Variants in DCLK2 observed in about 807,000 individuals in gnomAD.
DCLK2 encodes serine/threonine-protein kinase DCLK2.
A neutral mutation model predicts 78.4 loss-of-function variants in DCLK2; 31 were observed. The observed-to-expected ratio is 0.40, with a 90% CI of 0.30 to 0.53. DCLK2 has a LOEUF of 0.53. DCLK2 is among the 20% of genes least tolerant of loss of function. DCLK2 has a pLI of 0.61. For synonymous variants in DCLK2, 407 were observed against 374.9 expected, an observed-to-expected ratio of 1.09 and a Z score of -0.99; for missense variants, 872 against 973.7, an observed-to-expected ratio of 0.90 and a Z score of 1.39.
chr4:150,194,149 G>A (rs1398115364), intron 3 of DCLK2, among the ~76,000 whole-genome samples: 1 of 151,952 alleles, frequency 6.6e-6, no homozygotes, highest in Non-Finnish European at 1.5e-5. Context: ...ATATATGACT[G>A]TAGTCCCATC....
chr4:150,226,225 C>CA (rs1741597204), intron 8 of DCLK2, among the ~76,000 whole-genome samples: 1 of 142,738 alleles, frequency 7.0e-6, no homozygotes, highest in Admixed American at 7.0e-5. Context: ...TTGTCATTTA[C>CA]TTTTTTTTTT....
intron 2 of DCLK2, among the ~76,000 whole-genome samples, chr4:150,134,965 A>T (rs1560800783): frequency 6.6e-6 from 1 of 152,116 alleles, no homozygotes. Context: ...TATATGTTTT[A>T]AAAAATTGTT....
At chr4:150,158,626 A>G (rs1735488827) in intron 2 of DCLK2, among the ~76,000 whole-genome samples, 1 of 152,234 alleles carries the variant, frequency 6.6e-6, no homozygotes, top group Non-Finnish European at 1.5e-5. Context: ...GAATTCTTCA[A>G]TATGTAAACT....
intron 2 of DCLK2, among the ~76,000 whole-genome samples, chr4:150,157,935 CT>C (rs1315620220): frequency 2.0e-5 from 3 of 152,148 alleles, no homozygotes; most frequent in Admixed American, 2.0e-4. Context: ...GGCCCAGAAT[CT>C]TTTAATTTTA....
chr4:150,094,381 G>T (rs1228678797), intron 1 of DCLK2, among the ~76,000 whole-genome samples: 1 of 152,202 alleles, frequency 6.6e-6, no homozygotes, highest in Non-Finnish European at 1.5e-5. Context: ...TTAAAAAAGA[G>T]TATGTAAATA....
intron 2 of DCLK2, among the ~76,000 whole-genome samples, chr4:150,131,892 T>C (rs1733338905): frequency 6.6e-6 from 1 of 152,092 alleles, no homozygotes. Context: ...GTGGGCAGAA[T>C]TGGCTATGTA....
In DCLK2 at chr4:150,195,318, T is replaced by TATATA. The variant is rs1738863513; in HGVS notation, c.859+2082_859+2083insAATAT. Reference sequence around the variant, plus strand: ...ATATATTATATATTATATTATATATTATATTATATATTATATATATTATAT... The same window carrying TATATA: ...ATATATTATATATTATATTATATATTATATAATATTATATATTATATATATTATAT... On this transcript the variant is annotated intron_variant, in intron 3 of 15. Coordinates refer to ENST00000296550, the MANE Select transcript of DCLK2 (RefSeq NM_001040260.4). Among the ~76,000 whole-genome samples the TATATA allele has an allele frequency of 6.1e-4, 2 of 3,284 alleles. 1 individual carries two copies. Among genetic ancestry groups the TATATA allele is most frequent in the Non-Finnish European group, 1.8e-3 (2 of 1,132 alleles). The allele number at this position is 3,284 out of a possible 152,430, so 2.2% of individuals were successfully genotyped here.
At chr4:150,250,231 G>A (rs1743663025) in intron 15 of DCLK2, among the ~76,000 whole-genome samples, 1 of 152,184 alleles carries the variant, frequency 6.6e-6, no homozygotes, top group Non-Finnish European at 1.5e-5. Context: ...TTTATGAGAT[G>A]TCAGTGACAA....
chr4:150,256,240 G>C lies in DCLK2; in HGVS notation c.2294G>C (p.Arg765Pro). The stretch of plus-strand genomic sequence containing the variant: ...CGGGCAGGAACCTGGCGCCGCCACC[G>C]AGACTGAGCCTCCTGCAGACGGGCG... ...GERAGTWRRH[R>P]D The change falls in exon 16 of 16, where the codon CGA becomes CCA. Residue 765 changes from arginine to proline, a missense_variant. Coordinates refer to ENST00000296550, the MANE Select transcript of DCLK2 (RefSeq NM_001040260.4). The C allele has an allele frequency of 1.4e-6, 2 of 1,457,154 alleles. No individual in the cohort carries two copies. The highest frequency in any genetic ancestry group is 2.9e-5 in the East Asian group (1 of 34,412). 90.3% of individuals were successfully genotyped at this position (1,457,154 alleles called of 1,614,324 possible).
intron 2 of DCLK2, among the ~76,000 whole-genome samples, chr4:150,133,400 T>C (rs941846792): frequency 6.6e-6 from 1 of 152,136 alleles, no homozygotes; most frequent in African/African-American, 2.4e-5. Context: ...GCAAGTAGGG[T>C]GAACTTGTAC....
intron 2 of DCLK2, among the ~76,000 whole-genome samples, chr4:150,115,369 A>T (rs182552150): frequency 1.3e-5 from 2 of 152,032 alleles, no homozygotes; most frequent in Non-Finnish European, 2.9e-5. Context: ...TAGTATTTCA[A>T]ATATTTTATC....
At chr4:150,225,350 C>T (rs565004312) in intron 8 of DCLK2, among the ~76,000 whole-genome samples, 47 of 152,330 alleles carry the variant, frequency 3.1e-4, no homozygotes, top group African/African-American at 1.1e-3. Flanking sequence ...CCTTCTGTCC[C>T]ACTCTCTAAC....
At chr4:150,100,611 T>C (rs1471722166) in intron 1 of DCLK2, among the ~76,000 whole-genome samples, 1 of 152,246 alleles carries the variant, frequency 6.6e-6, no homozygotes, top group Non-Finnish European at 1.5e-5. Flanking sequence ...AGAATTAAAG[T>C]TTTATGATAG....
chr4:150,197,816 A>G (rs576112657), intron 3 of DCLK2, among the ~76,000 whole-genome samples, 186 bp from the exon 4 acceptor site: 19 of 152,072 alleles, frequency 1.2e-4, no homozygotes, highest in African/African-American at 4.3e-4. Flanking sequence ...AAAAAAAAAA[A>G]GATGTGTAGC....
At chr4:150,168,604 G>T (rs1047757333) in intron 2 of DCLK2, among the ~76,000 whole-genome samples, 1 of 152,124 alleles carries the variant, frequency 6.6e-6, no homozygotes, top group Non-Finnish European at 1.5e-5. Context: ...ACATACTTTG[G>T]TGCTCTGTGA....
At chr4:150,173,583 G>T (rs540117406) in intron 2 of DCLK2, among the ~76,000 whole-genome samples, 1 of 152,326 alleles carries the variant, frequency 6.6e-6, no homozygotes, top group East Asian at 1.9e-4. Context: ...CCACAAGGAT[G>T]TGTTTTTTCT....
intron 8 of DCLK2, among the ~76,000 whole-genome samples, chr4:150,226,435 G>A (rs1325727082): frequency 1.3e-5 from 2 of 151,744 alleles, no homozygotes; most frequent in Admixed American, 6.6e-5. Context: ...TTCTGCTTTC[G>A]ATGTGGTGGT....
At chr4:150,242,927 G>A (rs996225888) in intron 12 of DCLK2, among the ~76,000 whole-genome samples, 1 of 151,306 alleles carries the variant, frequency 6.6e-6, no homozygotes, top group East Asian at 1.9e-4. Context: ...GTCAAGTGGA[G>A]AAGGGGAATG....
intron 12 of DCLK2, among the ~76,000 whole-genome samples, chr4:150,244,513 C>T (rs1203808941): frequency 1.3e-5 from 2 of 152,180 alleles, no homozygotes; most frequent in African/African-American, 4.8e-5. Context: ...GAAAAGAGAG[C>T]GTGTGCACAA....
Sources: gnomAD v4.1 joint callset for allele counts (sites outside exome capture counted in the v4.1 genomes callset) on GRCh38, gnomAD v4.1.1 for gene constraint, MANE v1.5 for transcripts, NCBI Gene and HGNC (gene_info 2026-07-23, HGNC 2026-07-21) for gene names.